CCDC170: variants seen among roughly 807,000 people sequenced by gnomAD.
The protein encoded by CCDC170 is coiled-coil domain containing 170, also known as coiled-coil domain-containing protein 170.
Under a neutral mutation model 72.6 loss-of-function variants are expected in CCDC170, and 69 were observed. The observed-to-expected ratio is 0.95, with a 90% CI of 0.78 to 1.16. The LOEUF is 1.16. Among genes scored for constraint, CCDC170 ranks in the 50% most tolerant of loss-of-function variants. The pLI is 0.00. For missense variants in CCDC170, 852 were observed against 832.5 expected (o/e 1.02, Z -0.29); for synonymous variants, 300 against 303.9 (o/e 0.99, Z 0.13).
chr6:151,533,667 C>CAA (rs11347240), intron 1 of CCDC170, among the ~76,000 whole-genome samples: 2 of 141,462 alleles, frequency 1.4e-5, no homozygotes, highest in Non-Finnish European at 3.1e-5. Context: ...AACTCCATCT[C>CAA]AAAAAAAAAA....
At chr6:151,535,242 G>T (rs1285989688) in intron 1 of CCDC170, among the ~76,000 whole-genome samples, 8 of 152,186 alleles carry the variant, frequency 5.3e-5, no homozygotes, top group Non-Finnish European at 8.8e-5. Context: ...TGAAAAACTG[G>T]AATGATTTGG....
intron 1 of CCDC170, among the ~76,000 whole-genome samples, chr6:151,499,538 ATGCTGTATAAGTGGAAT>A (rs1781961578): frequency 8.2e-6 from 1 of 122,318 alleles, no homozygotes; most frequent in African/African-American, 4.0e-5. Context: ...TATTCTAGGC[ATGCTGTATAAGTGGAAT>A]CATACTGTAT....
At chr6:151,503,346 G>T (rs992030064) in intron 1 of CCDC170, among the ~76,000 whole-genome samples, 1 of 152,136 alleles carries the variant, frequency 6.6e-6, no homozygotes, top group East Asian at 1.9e-4. Context: ...GGGTGGGTAG[G>T]GTTGGCTCCC....
At chr6:151,544,449 G>T in intron 3 of CCDC170, 123 bp from the exon 4 acceptor site, 1 of 979,540 alleles carries the variant, frequency 1.0e-6, no homozygotes, top group Non-Finnish European at 1.5e-6. Context: ...CTCTGTGTCT[G>T]GGAAACTGTG....
Position 151,571,321 on chromosome 6 carries a change from A to T in CCDC170, c.775-1853A>T, listed in dbSNP as rs971868194. On this transcript the variant is annotated intron_variant, in intron 5 of 10. Transcript: ENST00000239374. Reference sequence around the variant, plus strand: ...TACCTCTAACATACTATTTTTAATAATTTTTTTTTTTTACCAGTTAACTAG... The same window carrying T: ...TACCTCTAACATACTATTTTTAATATTTTTTTTTTTTTACCAGTTAACTAG... Among the ~76,000 whole-genome samples, 5 of 149,566 alleles carry T rather than the reference A, an allele frequency of 3.3e-5. No individual in the cohort carries two copies. The South Asian group carries it at 6.3e-4, about 19-fold the overall frequency.
chr6:151,560,508 C>G (rs1245624854), intron 5 of CCDC170, among the ~76,000 whole-genome samples: 1 of 152,012 alleles, frequency 6.6e-6, no homozygotes, highest in Non-Finnish European at 1.5e-5. Flanking sequence ...TAAGTCCAGA[C>G]CTTCTTTGTT....
In CCDC170 at chr6:151,619,292, C is replaced by T. The variant is rs1447617520; in HGVS notation, c.*1145C>T. On this transcript the variant is annotated 3_prime_UTR_variant, in exon 11 of 11. Coordinates refer to ENST00000239374, the MANE Select transcript of CCDC170 (RefSeq NM_025059.4). ...TGAAGAAATCCTATATAGTCTTATT[C>T]ACCAATATATCCAATACACCCACAG... 5.3e-5 allele frequency: 8 copies of T among 152,102 alleles called. No individual in the cohort carries two copies. The highest frequency in any genetic ancestry group is 1.9e-4 in the African/African-American group (8 of 41,422). The allele number at this position is 152,102 out of a possible 1,614,324, so 9.4% of individuals were successfully genotyped here.
chr6:151,526,249 G>GTC (rs1782409490), intron 1 of CCDC170, among the ~76,000 whole-genome samples: 1 of 148,438 alleles, frequency 6.7e-6, no homozygotes, highest in Non-Finnish European at 1.5e-5. Flanking sequence ...TTGAGATGGC[G>GTC]TCTCTCTCTG....
intron 1 of CCDC170, among the ~76,000 whole-genome samples, chr6:151,522,740 A>G (rs1255545508): frequency 1.3e-5 from 2 of 152,144 alleles, no homozygotes. Flanking sequence ...TAAAAAGAAA[A>G]TGTTATATTC....
At position 151,573,321 on chromosome 6, in the gene CCDC170, A is replaced by G; in HGVS notation, c.922A>G (p.Ser308Gly). The change falls in exon 6 of 11, where the codon AGT becomes GGT. Residue 308 changes from serine (S) to glycine (G), a missense_variant. Transcript: ENST00000239374. Reference protein sequence around the residue: ...LKKSSSELEKSLKASQDAVTT... With the variant: ...LKKSSSELEKGLKASQDAVTT... ...GAAAAGCTCTTCTGAGTTGGAGAAG[A>G]GTTTGAAGGCCAGTCAGGATGCAGT... 6.2e-7 allele frequency: 1 copy of G among 1,614,146 alleles called. No individual in the cohort carries two copies. Among genetic ancestry groups the G allele is most frequent in the Non-Finnish European group, 8.5e-7 (1 of 1,180,020 alleles).
At chr6:151,593,848 G>T (rs1351361100) in intron 8 of CCDC170, among the ~76,000 whole-genome samples, 1 of 152,174 alleles carries the variant, frequency 6.6e-6, no homozygotes, top group African/African-American at 2.4e-5. Context: ...ATATGTTTTG[G>T]TGGTCAAACC....
chr6:151,530,181 T>A (rs929756346), intron 1 of CCDC170, among the ~76,000 whole-genome samples: 4 of 152,066 alleles, frequency 2.6e-5, no homozygotes, highest in African/African-American at 9.7e-5. Context: ...CTATGGCAGA[T>A]TTTTTGAAAA....
In CCDC170 at chr6:151,596,671, G is replaced by T. The variant is rs930357247; in HGVS notation, c.1710+94G>T. Reference sequence around the variant, plus strand: ...ACAGCTTTATCGGGACACGCCAGAAGAAGAAAGATGAAAGCCTCCTCTGAT... The same window carrying T: ...ACAGCTTTATCGGGACACGCCAGAATAAGAAAGATGAAAGCCTCCTCTGAT... On this transcript the variant is annotated intron_variant, in intron 9 of 10. Coordinates refer to ENST00000239374, the MANE Select transcript of CCDC170 (RefSeq NM_025059.4). 28 of 1,495,508 alleles carry T rather than the reference G, an allele frequency of 1.9e-5. 1 individual carries two copies. In the South Asian group the frequency reaches 3.4e-4, roughly 18 times the overall value. The allele number at this position is 1,495,508 out of a possible 1,614,324, so 92.6% of individuals were successfully genotyped here.
At position 151,573,398 on chromosome 6, in the gene CCDC170, C is replaced by A. The variant is rs750538911; in HGVS notation, c.999C>A (p.Leu333=). 3.7e-6 allele frequency: 6 copies of A among 1,614,010 alleles called. No homozygotes were observed. The Admixed American group carries it at 8.3e-5, about 22-fold the overall frequency. ...CATTTAGGGAGAAAATCGCAGCCCT[C>A]CTTAGGGGCAGATTGAGCATGACTG... The part of the protein sequence containing the change: ...YFSFREKIAA[L]LRGRLSMTGS... The change falls in exon 6 of 11, where the codon CTC becomes CTA. Residue 333 remains leucine (L), a synonymous_variant. Transcript: ENST00000239374.
chr6:151,605,379 G>T (rs1054650303), intron 9 of CCDC170, among the ~76,000 whole-genome samples: 3 of 152,154 alleles, frequency 2.0e-5, no homozygotes, highest in Admixed American at 1.3e-4. Flanking sequence ...GGCTAGCAAG[G>T]GTTCATGCCC....
At chr6:151,557,891 G>A (rs1404318567) in intron 5 of CCDC170, among the ~76,000 whole-genome samples, 1 of 152,132 alleles carries the variant, frequency 6.6e-6, no homozygotes, top group Non-Finnish European at 1.5e-5. Context: ...CTGAGGTCAG[G>A]AGTTTGAGAC....
intron 1 of CCDC170, among the ~76,000 whole-genome samples, chr6:151,525,319 C>G (rs918890306): frequency 2.6e-5 from 4 of 152,174 alleles, no homozygotes; most frequent in African/African-American, 9.7e-5. Flanking sequence ...GCCATCATAT[C>G]CCCTGTGACC....
intron 1 of CCDC170, among the ~76,000 whole-genome samples, chr6:151,509,360 C>T (rs575653789): frequency 4.3e-4 from 65 of 152,234 alleles, no homozygotes; most frequent in Non-Finnish European, 7.6e-4. Context: ...TGACATTGTT[C>T]CCAAATTTGC....
chr6:151,592,278 G>T (rs186472931), intron 7 of CCDC170, among the ~76,000 whole-genome samples: 2 of 152,140 alleles, frequency 1.3e-5, no homozygotes, highest in Non-Finnish European at 2.9e-5. Context: ...GAGAATTGCC[G>T]GAACCTGGGA....
Sources: gnomAD v4.1 joint callset for allele counts (sites outside exome capture counted in the v4.1 genomes callset) on GRCh38, gnomAD v4.1.1 for gene constraint, MANE v1.5 for transcripts, NCBI Gene and HGNC (gene_info 2026-07-23, HGNC 2026-07-21) for gene names.